CCDC178: variants seen among roughly 807,000 people sequenced by gnomAD.
The protein encoded by CCDC178 is coiled-coil domain containing 178, also known as coiled-coil domain-containing protein 178.
A neutral mutation model predicts 117.4 loss-of-function variants in CCDC178; 126 were observed. The ratio of observed to expected loss-of-function variants is 1.07; its 90% CI spans 0.93 to 1.24. CCDC178 has a LOEUF of 1.24. CCDC178 is among the 50% of genes most tolerant of loss of function. The pLI is 0.00. For missense variants in CCDC178, 1,030 were observed against 986.9 expected (o/e 1.04, Z -0.59); for synonymous variants, 283 against 313.4 (o/e 0.90, Z 1.02).
intron 21 of CCDC178, among the ~76,000 whole-genome samples, chr18:33,087,232 G>C (rs1248905369): frequency 6.6e-6 from 1 of 152,038 alleles, no homozygotes; most frequent in Admixed American, 6.5e-5. Context: ...CTCAAAACTG[G>C]TATTGGACTG....
chr18:33,032,759 G>T (rs1173344839), intron 21 of CCDC178, among the ~76,000 whole-genome samples: 2 of 152,128 alleles, frequency 1.3e-5, no homozygotes, highest in East Asian at 3.9e-4. Flanking sequence ...TACAGATTTG[G>T]GGTAAGAATT....
At chr18:33,385,509 ACT>A (rs1171475755) in intron 5 of CCDC178, among the ~76,000 whole-genome samples, 1 of 151,912 alleles carries the variant, frequency 6.6e-6, no homozygotes, top group Non-Finnish European at 1.5e-5. Context: ...CATAACAAAC[ACT>A]CTCTCAGACC....
chr18:33,384,676 G>A (rs1419703325), intron 5 of CCDC178, among the ~76,000 whole-genome samples: 1 of 152,104 alleles, frequency 6.6e-6, no homozygotes, highest in African/African-American at 2.4e-5. Flanking sequence ...GGAATTTTGT[G>A]AACAGCAGGT....
Position 33,147,759 on chromosome 18 carries a change from G to A in CCDC178, c.2239-54849C>T, listed in dbSNP as rs995971123. On this transcript the variant is annotated intron_variant, in intron 20 of 22. Transcript: ENST00000383096. Reference sequence around the variant, plus strand: ...TACAGAACAAAATGGAGTCTCCTACGTCTACTTCCCTCTACATAGACACAG... The same window carrying A: ...TACAGAACAAAATGGAGTCTCCTACATCTACTTCCCTCTACATAGACACAG... Among the ~76,000 whole-genome samples, 4 of 152,192 alleles carry A rather than the reference G, an allele frequency of 2.6e-5. No individual in the cohort carries two copies. In the East Asian group the frequency reaches 5.8e-4, roughly 22 times the overall value.
chr18:33,134,209 T>C (rs2058099817), intron 20 of CCDC178, among the ~76,000 whole-genome samples: 1 of 152,040 alleles, frequency 6.6e-6, no homozygotes, highest in African/African-American at 2.4e-5. Flanking sequence ...TACTTTTTAA[T>C]ATTCTACTCA....
At chr18:33,063,646 C>A (rs2056966697) in intron 21 of CCDC178, among the ~76,000 whole-genome samples, 1 of 152,156 alleles carries the variant, frequency 6.6e-6, no homozygotes, top group African/African-American at 2.4e-5. Context: ...CAAGGGACCT[C>A]CCACCTTCTT....
chr18:33,335,886 T>C (rs969616456), intron 9 of CCDC178, among the ~76,000 whole-genome samples: 1 of 152,130 alleles, frequency 6.6e-6, no homozygotes, highest in Non-Finnish European at 1.5e-5. Context: ...ATGTGTTTTA[T>C]GATATTTAAT....
rs116365784 is a variant in CCDC178 at position 33,109,970 on chromosome 18, A to T, written c.2239-17060T>A. The stretch of plus-strand genomic sequence containing the variant: ...GCACATGTGCTCTAATTCCTGACAT[A>T]TGCATATGTTCAGCTCTAGTTGATA... On this transcript the variant is annotated intron_variant, in intron 20 of 22. Coordinates refer to ENST00000383096, the MANE Select transcript of CCDC178 (RefSeq NM_001105528.4). Among the ~76,000 whole-genome samples, 1,082 of 151,620 alleles carry T rather than the reference A, an allele frequency of 7.1e-3. 17 individuals are homozygous for T. The highest frequency in any genetic ancestry group is 0.025 in the African/African-American group (1,037 of 41,480).
At chr18:33,208,209 TA>T (rs535106719) in intron 20 of CCDC178, among the ~76,000 whole-genome samples, 6 of 151,940 alleles carry the variant, frequency 3.9e-5, no homozygotes, top group South Asian at 2.1e-4. Context: ...GTTCCTAACT[TA>T]AAAAAAATTC....
At chr18:33,026,126 A>G (rs1217939136) in intron 21 of CCDC178, among the ~76,000 whole-genome samples, 1 of 152,170 alleles carries the variant, frequency 6.6e-6, no homozygotes, top group African/African-American at 2.4e-5. Context: ...CACAAACTGT[A>G]TGATCCCATT....
At chr18:33,069,343 G>A (rs911657789) in intron 21 of CCDC178, among the ~76,000 whole-genome samples, 6 of 151,986 alleles carry the variant, frequency 3.9e-5, no homozygotes, top group African/African-American at 1.4e-4. Flanking sequence ...TATACACAAT[G>A]GAGCAGAATA....
At chr18:33,310,958 C>A (rs1455300332) in intron 11 of CCDC178, among the ~76,000 whole-genome samples, 1 of 152,058 alleles carries the variant, frequency 6.6e-6, no homozygotes, top group Non-Finnish European at 1.5e-5. Flanking sequence ...GATGTCCTGG[C>A]ATGTCTCCAA....
At chr18:33,126,112 T>G (rs2058001118) in intron 20 of CCDC178, among the ~76,000 whole-genome samples, 1 of 152,130 alleles carries the variant, frequency 6.6e-6, no homozygotes, top group African/African-American at 2.4e-5. Context: ...CAAGTGTGAA[T>G]GCAGTGACCA....
intron 21 of CCDC178, among the ~76,000 whole-genome samples, chr18:32,989,881 G>T (rs1205672221): frequency 6.6e-6 from 1 of 152,066 alleles, no homozygotes; most frequent in Non-Finnish European, 1.5e-5. Flanking sequence ...TATTCATATA[G>T]ATAATACAAG....
chr18:33,069,040 T>C (rs1172928652), intron 21 of CCDC178, among the ~76,000 whole-genome samples: 1 of 151,934 alleles, frequency 6.6e-6, no homozygotes, highest in African/African-American at 2.4e-5. Flanking sequence ...TAGCTAATAA[T>C]GAAGTGACAG....
intron 14 of CCDC178, among the ~76,000 whole-genome samples, chr18:33,254,161 G>C (rs1255341824): frequency 3.3e-5 from 5 of 151,606 alleles, no homozygotes; most frequent in African/African-American, 1.2e-4. Flanking sequence ...TAGGAGGACG[G>C]AGATACTGAA....
intron 22 of CCDC178, among the ~76,000 whole-genome samples, chr18:32,941,654 A>G (rs186983749): frequency 2.4e-4 from 37 of 152,312 alleles, no homozygotes; most frequent in African/African-American, 8.7e-4. Context: ...CATCTTTTAG[A>G]TAAGAGTGAC....
chr18:33,124,011 C>T (rs1303742339), intron 20 of CCDC178, among the ~76,000 whole-genome samples: 1 of 152,106 alleles, frequency 6.6e-6, no homozygotes, highest in Non-Finnish European at 1.5e-5. Flanking sequence ...ATGAGTTTAA[C>T]CCAGCAGAAA....
At chr18:33,086,589 G>C (rs1267488212) in intron 21 of CCDC178, among the ~76,000 whole-genome samples, 1 of 151,928 alleles carries the variant, frequency 6.6e-6, no homozygotes, top group Non-Finnish European at 1.5e-5. Context: ...AGGGTTAACA[G>C]AGTTAACAGA....
Sources: allele counts gnomAD v4.1 joint callset (sites outside exome capture counted in the v4.1 genomes callset), GRCh38; gene constraint gnomAD v4.1.1; transcripts MANE v1.5; gene names NCBI Gene and HGNC (gene_info 2026-07-23, HGNC 2026-07-21).